Variants in THSD4 observed in about 807,000 individuals in gnomAD.
THSD4 encodes the protein thrombospondin type 1 domain containing 4.
A neutral mutation model predicts 119.0 loss-of-function variants in THSD4; 69 were observed. That is an observed-to-expected ratio of 0.58 (90% CI 0.48 to 0.71). THSD4 has a LOEUF of 0.71. Ranked by LOEUF, THSD4 falls within the 30% of genes least tolerant of loss-of-function variation. The pLI is 0.00. For missense variants in THSD4, 1,393 were observed against 1,391.1 expected (o/e 1.00, Z -0.02); for synonymous variants, 524 against 540.4 (o/e 0.97, Z 0.42).
chr15:71,758,801 ATTTCT>A (rs1595923847), intron 15 of THSD4, among the ~76,000 whole-genome samples: 2 of 152,142 alleles, frequency 1.3e-5, no homozygotes, highest in African/African-American at 4.8e-5. Flanking sequence ...ATAGAATTTT[ATTTCT>A]TTTAAGTAGC....
In THSD4 at chr15:71,772,327, C is replaced by A. The variant is rs2053836642; in HGVS notation, c.2914+1119C>A. Among the ~76,000 whole-genome samples, 4 of 152,074 alleles carry A rather than the reference C, an allele frequency of 2.6e-5. No individual in the cohort carries two copies. The South Asian group carries it at 8.3e-4, about 32-fold the overall frequency. ...TAAGTTTCCTATGTCCCAGCAATGA[C>A]CCATGACTAAAGTTATGGGGATGAC... On this transcript the variant is annotated intron_variant, in intron 17 of 17. Coordinates refer to ENST00000261862, the MANE Select transcript of THSD4 (RefSeq NM_024817.3).
At chr15:71,115,039 C>T (rs940791550), upstream of THSD4, 2 of 152,702 alleles carry the variant, frequency 1.3e-5, no homozygotes, top group African/African-American at 2.4e-5. The surrounding 1 kb of genome is among the most constrained non-coding windows in gnomAD (Gnocchi z 4.4). Flanking sequence ...TTGCCTCCGC[C>T]CCATCCTGAT....
chr15:71,181,845 C>G (rs1202874657), intron 3 of THSD4, among the ~76,000 whole-genome samples: 1 of 152,226 alleles, frequency 6.6e-6, no homozygotes, highest in Non-Finnish European at 1.5e-5. Flanking sequence ...GTTGTTAACT[C>G]TTGCCTCCTT....
intron 7 of THSD4, among the ~76,000 whole-genome samples, chr15:71,423,629 A>G (rs1297268149): frequency 2.0e-5 from 3 of 152,192 alleles, no homozygotes. Flanking sequence ...GGCAAGCTGC[A>G]CTGCCTGGGG....
chr15:71,295,722 A>T (rs1275398184), intron 6 of THSD4, among the ~76,000 whole-genome samples: 2 of 151,986 alleles, frequency 1.3e-5, no homozygotes, highest in Non-Finnish European at 2.9e-5. Flanking sequence ...CACATTTTAC[A>T]ATCAATGAGT....
At chr15:71,774,555 T>C (rs564207114) in intron 17 of THSD4, among the ~76,000 whole-genome samples, 1 of 152,276 alleles carries the variant, frequency 6.6e-6, no homozygotes, top group East Asian at 1.9e-4. Context: ...AAAGATATTA[T>C]TACCTTTGAC....
intron 8 of THSD4, among the ~76,000 whole-genome samples, chr15:71,682,920 CT>C (rs71154794): frequency 3.7e-5 from 2 of 53,522 alleles, no homozygotes; most frequent in African/African-American, 1.2e-4. Flanking sequence ...TCTTCTTCTT[CT>C]TTTTTTTTTT....
intron 16 of THSD4, among the ~76,000 whole-genome samples, chr15:71,768,774 C>G (rs2140238928): frequency 6.7e-6 from 1 of 150,170 alleles, no homozygotes; most frequent in East Asian, 2.0e-4. Context: ...ACCATGTTAG[C>G]CAGGATGGTC....
chr15:71,740,407 C>T (rs2053212021), intron 11 of THSD4, among the ~76,000 whole-genome samples: 2 of 152,178 alleles, frequency 1.3e-5, no homozygotes, highest in African/African-American at 2.4e-5. Context: ...GAACCAGATA[C>T]ACTCAGAACT....
At chr15:71,223,197 A>G (rs983193038) in intron 4 of THSD4, among the ~76,000 whole-genome samples, 3 of 152,204 alleles carry the variant, frequency 2.0e-5, no homozygotes, top group African/African-American at 7.2e-5. Context: ...CTCAAGGGTC[A>G]GGGAGTAAAT....
chr15:71,481,121 T>A (rs1006000602), intron 7 of THSD4, among the ~76,000 whole-genome samples: 3 of 152,050 alleles, frequency 2.0e-5, no homozygotes, highest in Admixed American at 1.3e-4. Context: ...AACAAACAAA[T>A]AAAAACCTGC....
intron 8 of THSD4, among the ~76,000 whole-genome samples, chr15:71,700,828 A>G (rs1183155050): frequency 6.6e-6 from 1 of 152,106 alleles, no homozygotes; most frequent in Non-Finnish European, 1.5e-5. Flanking sequence ...TAGGATAATA[A>G]TTATTATTAA....
rs575559196 is a variant in THSD4 at position 71,483,199 on chromosome 15, T to G, written c.1152+71376T>G. Among the ~76,000 whole-genome samples the G allele has an allele frequency of 5.3e-5, 8 of 152,210 alleles. No individual in the cohort carries two copies. In the South Asian group the frequency reaches 1.7e-3, roughly 32 times the overall value. Reference sequence around the variant, plus strand: ...AAAGAGAGAAGATGCATAGGCCAAGTTGGGCTGACTACAGGCTCGAGTCCC... The same window carrying G: ...AAAGAGAGAAGATGCATAGGCCAAGGTGGGCTGACTACAGGCTCGAGTCCC... On this transcript the variant is annotated intron_variant, in intron 7 of 17. Coordinates refer to ENST00000261862, the MANE Select transcript of THSD4 (RefSeq NM_024817.3).
intron 7 of THSD4, among the ~76,000 whole-genome samples, chr15:71,502,485 CA>C: frequency 6.6e-6 from 1 of 152,210 alleles, no homozygotes; most frequent in Admixed American, 6.5e-5. Flanking sequence ...AAATACTAAG[CA>C]TGTTTTAACA....
At chr15:71,236,088 T>C (rs569976701) in intron 4 of THSD4, among the ~76,000 whole-genome samples, 1 of 152,282 alleles carries the variant, frequency 6.6e-6, no homozygotes, top group African/African-American at 2.4e-5. Flanking sequence ...TGTGGGATGC[T>C]GTGGCCCGTG....
rs746730699 is a variant in THSD4, at chr15:71,615,272, G to T, written c.1153-45258G>T. On this transcript the variant is annotated intron_variant, in intron 7 of 17. Coordinates refer to ENST00000261862, the MANE Select transcript of THSD4 (RefSeq NM_024817.3). Reference sequence around the variant, plus strand: ...CTCTATTTTTAGAAAAGATAAACAGGGTCCCCTGGTCAGAGACTCCAAAGG... The same window carrying T: ...CTCTATTTTTAGAAAAGATAAACAGTGTCCCCTGGTCAGAGACTCCAAAGG... Among the ~76,000 whole-genome samples, 4 of 152,160 alleles carry T rather than the reference G, an allele frequency of 2.6e-5. No individual in the cohort carries two copies. The South Asian group carries it at 8.3e-4, about 32-fold the overall frequency.
chr15:71,253,016 A>C (rs74473672), intron 5 of THSD4, among the ~76,000 whole-genome samples: 4,207 of 152,236 alleles, frequency 0.028, 204 homozygotes, highest in African/African-American at 0.095. Context: ...CCAGGCTTGC[A>C]GTTTGCCTGG....
chr15:71,185,161 G>T (rs594849), intron 3 of THSD4, among the ~76,000 whole-genome samples: 137,771 of 151,722 alleles, frequency 0.91, 63,849 homozygotes, highest in East Asian at 1. Context: ...TCTAAGCAAA[G>T]AGTGGTCACT....
At chr15:71,442,579 A>ATATAT (rs1555414269) in intron 7 of THSD4, among the ~76,000 whole-genome samples, 3 of 39,860 alleles carry the variant, frequency 7.5e-5, no homozygotes, top group South Asian at 1.3e-3. Flanking sequence ...AAAAAAAAAA[A>ATATAT]ATATATATAT....
Sources: allele counts gnomAD v4.1 joint callset (sites outside exome capture counted in the v4.1 genomes callset), GRCh38; gene constraint gnomAD v4.1.1; non-coding constraint Gnocchi (gnomAD v3.1); transcripts MANE v1.5; gene names NCBI Gene and HGNC (gene_info 2026-07-23, HGNC 2026-07-21).